The following FBXL5 variants were observed in gnomAD, a reference collection of about 807,000 sequenced individuals.
FBXL5 encodes F-box/LRR-repeat protein 5.
Under a neutral mutation model 78.3 loss-of-function variants are expected in FBXL5, and 26 were observed. That is an observed-to-expected ratio of 0.33 (90% CI 0.24 to 0.46). FBXL5 has a LOEUF of 0.46. Ranked by LOEUF, FBXL5 falls within the 20% of genes least tolerant of loss-of-function variation. FBXL5 has a pLI of 1.00. For synonymous variants in FBXL5, 295 were observed against 282.5 expected (o/e 1.04, Z -0.45); for missense variants, 710 against 829.2 (o/e 0.86, Z 1.77).
chr4:15,666,116 G>T (rs1717535396), intron 1 of FBXL5, among the ~76,000 whole-genome samples: 1 of 152,048 alleles, frequency 6.6e-6, no homozygotes, highest in South Asian at 2.1e-4. Context: ...ATGAATTTTG[G>T]GACTGGGCAC....
At chr4:15,627,335 A>G (rs928521468) in intron 7 of FBXL5, among the ~76,000 whole-genome samples, 8 of 152,170 alleles carry the variant, frequency 5.3e-5, no homozygotes, top group African/African-American at 1.7e-4. Flanking sequence ...GGGTTTCACC[A>G]TATTGGCCAG....
At chr4:15,643,364 C>T (rs182583012) in intron 2 of FBXL5, among the ~76,000 whole-genome samples, 32 of 152,294 alleles carry the variant, frequency 2.1e-4, no homozygotes, top group African/African-American at 7.7e-4. Flanking sequence ...CTTAAGCTTA[C>T]GCTTCACCAA....
At chr4:15,661,869 C>T (rs1304294199), upstream of FBXL5, among the ~76,000 whole-genome samples, 1 of 152,164 alleles carries the variant, frequency 6.6e-6, no homozygotes, top group East Asian at 1.9e-4. Context: ...ACTGAAGGAT[C>T]TGCTTTCAGG....
At chr4:15,677,687 T>C (rs1225191190) in intron 1 of FBXL5, among the ~76,000 whole-genome samples, 1 of 152,240 alleles carries the variant, frequency 6.6e-6, no homozygotes, top group Non-Finnish European at 1.5e-5. Context: ...CTGTCCTCCA[T>C]ACCTTCCCCT....
intron 1 of FBXL5, among the ~76,000 whole-genome samples, chr4:15,648,385 A>T (rs1297446847): frequency 6.6e-6 from 1 of 152,214 alleles, no homozygotes; most frequent in Non-Finnish European, 1.5e-5. Context: ...TCCTGAGTAT[A>T]TGTTCAAAGT....
At chr4:15,641,602 TA>T (rs1714883749) in intron 2 of FBXL5, 1 of 458,198 alleles carries the variant, frequency 2.2e-6, no homozygotes, top group Admixed American at 2.4e-5. Flanking sequence ...ATGTTATTGG[TA>T]AGGCTTCCAG....
intron 1 of FBXL5, among the ~76,000 whole-genome samples, chr4:15,651,724 TAAA>T (rs1716083024): frequency 1.3e-5 from 2 of 152,216 alleles, no homozygotes; most frequent in Non-Finnish European, 2.9e-5. Context: ...AATGTATAAA[TAAA>T]TTCTTTCATA....
chr4:15,619,054 T>C (rs369993472), intron 9 of FBXL5, among the ~76,000 whole-genome samples: 290 of 152,040 alleles, frequency 1.9e-3, no homozygotes, highest in Non-Finnish European at 3.0e-3. Context: ...CTTGTAGTGG[T>C]GGGGCAGGGG....
At chr4:15,674,208 T>G (rs900130813) in intron 1 of FBXL5, among the ~76,000 whole-genome samples, 49 of 151,920 alleles carry the variant, frequency 3.2e-4, no homozygotes, top group African/African-American at 1.1e-3. Flanking sequence ...CATCGTGTTT[T>G]TTTTTTTTTT....
At chr4:15,664,879 T>A (rs1717472924) in intron 1 of FBXL5, among the ~76,000 whole-genome samples, 1 of 152,034 alleles carries the variant, frequency 6.6e-6, no homozygotes, top group Non-Finnish European at 1.5e-5. Flanking sequence ...TATATAACCC[T>A]TATTTCTGCA....
upstream of FBXL5, among the ~76,000 whole-genome samples, chr4:15,659,405 AT>A (rs1717197001): frequency 6.6e-6 from 1 of 152,180 alleles, no homozygotes; most frequent in African/African-American, 2.4e-5. Context: ...AAGGGTTCTC[AT>A]TTTGACCTCA....
In FBXL5 at chr4:15,680,718, T is replaced by A. The variant is rs920716702; in HGVS notation, c.-284+665A>T. On this transcript the variant is annotated intron_variant, in intron 1 of 4. Transcript: ENST00000507899. ...ATCCAGTTGGAGAATCAAAAATTTT[T>A]AAAAATTTGACTGTGTAATCCTACA... is the stretch of plus-strand genomic sequence containing the variant. Among the ~76,000 whole-genome samples, 4 of 152,098 alleles carry A rather than the reference T, an allele frequency of 2.6e-5. No individual in the cohort carries two copies. The East Asian group carries it at 5.8e-4, about 22-fold the overall frequency.
Position 15,625,367 on chromosome 4 carries a change from G to A in FBXL5, c.1735C>T (p.Pro579Ser). The part of the protein sequence containing the change: ...MCRKAARTRL[P>S]RGKDLIYFGS... ...AAGTAAATTAAGTCTTTTCCCCTAG[G>A]CAATCTAGTCCTTGCTGCTTTTCTA... The change falls in exon 9 of 11, where the codon CCT becomes TCT. Residue 579 changes from proline to serine, a missense_variant. Physicochemically the swap from Pro to Ser is moderately conservative, Grantham distance 74. This residue lies in a region of FBXL5 where 517 missense variants were observed against 542.9 expected (regional missense o/e 0.95). Coordinates refer to ENST00000341285, the MANE Select transcript of FBXL5 (RefSeq NM_012161.4). 7 of 1,614,144 alleles carry A rather than the reference G, an allele frequency of 4.3e-6. No homozygotes were observed. Among genetic ancestry groups the A allele is most frequent in the Non-Finnish European group, 5.9e-6 (7 of 1,180,028 alleles).
At chr4:15,653,611 A>G (rs1218031733) in intron 1 of FBXL5, among the ~76,000 whole-genome samples, 2 of 151,906 alleles carry the variant, frequency 1.3e-5, no homozygotes, top group African/African-American at 4.8e-5. Flanking sequence ...GGATTCTGTT[A>G]GTCTTCACTT....
intron 1 of FBXL5, among the ~76,000 whole-genome samples, chr4:15,649,159 A>G (rs1235344568): frequency 6.6e-6 from 1 of 152,174 alleles, no homozygotes; most frequent in East Asian, 1.9e-4. Flanking sequence ...AAGTGAAAAC[A>G]AAGCCAAAAA....
intron 1 of FBXL5, among the ~76,000 whole-genome samples, chr4:15,650,471 T>C (rs986493484): frequency 3.3e-5 from 5 of 152,078 alleles, no homozygotes; most frequent in Non-Finnish European, 5.9e-5. Flanking sequence ...CTACTACTAA[T>C]AGGTCACAGG....
chr4:15,680,771 T>C (rs1283063763), intron 1 of FBXL5, among the ~76,000 whole-genome samples: 2 of 151,920 alleles, frequency 1.3e-5, no homozygotes, highest in Non-Finnish European at 2.9e-5. Context: ...GAAAGAGAAA[T>C]GCTGATAAAG....
chr4:15,644,607 A>G lies in FBXL5; in HGVS notation c.186T>C (p.Asn62=). 1 of 1,614,124 alleles carries G rather than the reference A, an allele frequency of 6.2e-7. No individual in the cohort carries two copies. The highest frequency in any genetic ancestry group is 8.5e-7 in the Non-Finnish European group (1 of 1,179,988). ...GTTGAAGCAAACCAATAATGTATTC[A>G]TTTTCAATCTGCTCATGCATTTTGA... ...KEFKMHEQIE[N]EYIIGLLQQR... is the part of the protein sequence containing the mutation. The change falls in exon 2 of 11, where the codon AAT becomes AAC. Residue 62 remains asparagine, a synonymous_variant. Transcript: ENST00000341285.
intron 4 of FBXL5, among the ~76,000 whole-genome samples, chr4:15,637,100 C>A (rs1714359468): frequency 6.6e-6 from 1 of 152,174 alleles, no homozygotes; most frequent in African/African-American, 2.4e-5. Flanking sequence ...ATCTCATGAC[C>A]TTTTCCATTT....
Sources: allele counts gnomAD v4.1 joint callset (sites outside exome capture counted in the v4.1 genomes callset), GRCh38; gene constraint gnomAD v4.1.1; regional missense constraint gnomAD v4.1.1; transcripts MANE v1.5; gene names NCBI Gene and HGNC (gene_info 2026-07-23, HGNC 2026-07-21).